ALKAL1: variants seen among roughly 807,000 people sequenced by gnomAD.
ALKAL1 encodes the protein ALK and LTK ligand 1, also known as AUG-beta.
ALKAL1 carries 23 observed loss-of-function variants against 13.5 expected under a neutral mutation model. The ratio of observed to expected loss-of-function variants is 1.70; its 90% CI spans 1.23 to 2.41. ALKAL1 has a LOEUF of 2.41. Among genes scored for constraint, ALKAL1 ranks in the 30% most tolerant of loss-of-function variants. The pLI is 0.00. For synonymous variants in ALKAL1, 85 were observed against 77.7 expected (o/e 1.09, Z -0.49); for missense variants, 181 against 178.4 (o/e 1.01, Z -0.08).
Position 52,557,221 on chromosome 8 carries a change from T to C in ALKAL1, c.190+7846A>G, listed in dbSNP as rs539841836. ...ACCATGGCTGATGCCCGGGTGGTGC[T>C]TGGAGAGAGTAAGAAGCCGCCTGCC... On this transcript the variant is annotated intron_variant, in intron 1 of 4. Transcript: ENST00000358543. Among the ~76,000 whole-genome samples, 45 of 152,356 alleles carry C rather than the reference T, an allele frequency of 3.0e-4. 1 individual carries two copies. Among genetic ancestry groups the C allele is most frequent in the African/African-American group, 9.6e-4 (40 of 41,590 alleles).
At chr8:52,552,861 C>T (rs946634365) in intron 1 of ALKAL1, among the ~76,000 whole-genome samples, 2 of 152,220 alleles carry the variant, frequency 1.3e-5, no homozygotes, top group Admixed American at 1.3e-4. Context: ...TTTCTCCAAT[C>T]AACCCTGGTT....
intron 4 of ALKAL1, among the ~76,000 whole-genome samples, chr8:52,535,550 C>CAAAAAAAAAAAAAAAAAAAAAAAGAAAAA (rs1847257906): frequency 1.5e-5 from 1 of 68,630 alleles, no homozygotes; most frequent in African/African-American, 5.8e-5. Flanking sequence ...GACCCTGTCT[C>CAAAAAAAAAAAAAAAAAAAAAAAGAAAAA]AAAAAAAAAA....
Position 52,534,098 on chromosome 8 carries a change from A to G in ALKAL1, c.*515T>C, listed in dbSNP as rs1371418981. The G allele has an allele frequency of 2.0e-5, 3 of 152,206 alleles. No individual in the cohort carries two copies. Among genetic ancestry groups the G allele is most frequent in the Non-Finnish European group, 2.9e-5 (2 of 68,036 alleles). The allele number at this position is 152,206 out of a possible 1,614,324, so 9.4% of individuals were successfully genotyped here. ...CATTTTTTCATATTTCAACTTTAAT[A>G]AAATTCACAGTTCAAATTAATGCAA... On this transcript the variant is annotated 3_prime_UTR_variant, in exon 5 of 5. Coordinates refer to ENST00000358543, the MANE Select transcript of ALKAL1 (RefSeq NM_207413.4).
At chr8:52,538,284 ATGTT>A in intron 4 of ALKAL1, 143 bp downstream of exon 4, 7 of 592,662 alleles carry the variant, frequency 1.2e-5, no homozygotes, top group Non-Finnish European at 2.1e-5. Context: ...AAAAGAATAA[ATGTT>A]TGAGGCATAC....
At chr8:52,556,175 T>C (rs1388665516) in intron 1 of ALKAL1, among the ~76,000 whole-genome samples, 1 of 152,246 alleles carries the variant, frequency 6.6e-6, no homozygotes, top group African/African-American at 2.4e-5. Context: ...GCAAGAGTTT[T>C]CCAGTATATT....
chr8:52,541,763 A>T (rs1000036630), intron 2 of ALKAL1, among the ~76,000 whole-genome samples: 21 of 152,154 alleles, frequency 1.4e-4, no homozygotes, highest in Admixed American at 5.2e-4. Context: ...TCTCAGAAAA[A>T]AATAATAATA....
rs567176027 is a variant in ALKAL1 at position 52,556,414 on chromosome 8, G to A, written c.190+8653C>T. 5.3e-3 allele frequency among the ~76,000 whole-genome samples: 803 copies of A among 152,068 alleles called. 6 individuals are homozygous for A. Among genetic ancestry groups the A allele is most frequent in the African/African-American group, 0.018 (741 of 41,502 alleles). ...TGTAATCCCAGCACTTTGGGAGGCCGAGACGGGCGGATCACGAGGTCAGGA... is the reference window on the plus strand; with the variant it reads ...TGTAATCCCAGCACTTTGGGAGGCCAAGACGGGCGGATCACGAGGTCAGGA... On this transcript the variant is annotated intron_variant, in intron 1 of 4. Transcript: ENST00000358543.
At chr8:52,547,821 C>CTAAAAT (rs1416289652) in intron 1 of ALKAL1, among the ~76,000 whole-genome samples, 3 of 152,162 alleles carry the variant, frequency 2.0e-5, no homozygotes, top group Admixed American at 2.0e-4. Context: ...GACCTCATTT[C>CTAAAAT]TAAAATTAAA....
chr8:52,564,689 T>A (rs911011900), intron 1 of ALKAL1, among the ~76,000 whole-genome samples: 1 of 152,146 alleles, frequency 6.6e-6, no homozygotes, highest in Admixed American at 6.5e-5. Context: ...CAATCTTAGT[T>A]AATTCTCAAA....
intron 1 of ALKAL1, among the ~76,000 whole-genome samples, chr8:52,552,306 C>A (rs1198940943): frequency 2.0e-5 from 3 of 152,082 alleles, no homozygotes; most frequent in Non-Finnish European, 4.4e-5. Flanking sequence ...GTGAAGGGTG[C>A]ACACTTTTAG....
At position 52,534,940 on chromosome 8, in the gene ALKAL1, A is replaced by C. The variant is rs372480142; in HGVS notation, c.*13-340T>G. On this transcript the variant is annotated intron_variant, in intron 4 of 4. Transcript: ENST00000358543. ...AACCTTATTAAATAAATAATTCAAA[A>C]CAGATACTATCACAGATAACTCCTA... 2.2e-4 allele frequency among the ~76,000 whole-genome samples: 33 copies of C among 152,356 alleles called. No homozygotes were observed. In the East Asian group the frequency reaches 6.0e-3, roughly 28 times the overall value.
chr8:52,546,472 T>A (rs1022677462), intron 1 of ALKAL1, among the ~76,000 whole-genome samples: 13 of 152,340 alleles, frequency 8.5e-5, no homozygotes, highest in East Asian at 7.7e-4. Flanking sequence ...AACTATTAGT[T>A]CTCATACTTT....
intron 1 of ALKAL1, among the ~76,000 whole-genome samples, chr8:52,544,025 G>A (rs1847340911): frequency 6.6e-6 from 1 of 151,988 alleles, no homozygotes. Flanking sequence ...TCACATTCTG[G>A]TTAGCATGAT....
At chr8:52,542,078 C>T (rs1240337029) in intron 2 of ALKAL1, among the ~76,000 whole-genome samples, 3 of 152,146 alleles carry the variant, frequency 2.0e-5, no homozygotes, top group Non-Finnish European at 4.4e-5. Context: ...AGAAGGTCTC[C>T]CTCACCACGG....
intron 1 of ALKAL1, among the ~76,000 whole-genome samples, chr8:52,553,168 C>T (rs896304440): frequency 6.6e-6 from 1 of 152,002 alleles, no homozygotes; most frequent in African/African-American, 2.4e-5. Flanking sequence ...CACAACATAG[C>T]GAGACTCTAT....
rs578228874 is a variant in ALKAL1, at chr8:52,562,862, GC to G, written c.190+2204del. On this transcript the variant is annotated intron_variant, in intron 1 of 4. Transcript: ENST00000358543. ...GAATGAACGATAACCCCTGCCACCT[GC>G]TGAGTGCACCCCGTGAGAACATCCA... Among the ~76,000 whole-genome samples, 739 of 152,280 alleles carry G rather than the reference GC, an allele frequency of 4.9e-3. 6 individuals carry two copies. Among genetic ancestry groups the G allele is most frequent in the African/African-American group, 0.016 (682 of 41,554 alleles).
chr8:52,564,913 A>AC (rs895561293), intron 1 of ALKAL1, among the ~76,000 whole-genome samples, 154 bp downstream of exon 1: 1 of 151,972 alleles, frequency 6.6e-6, no homozygotes, highest in African/African-American at 2.4e-5. Context: ...TTCGCTTACG[A>AC]CCTCTTTCCG....
intron 4 of ALKAL1, among the ~76,000 whole-genome samples, chr8:52,537,872 G>T (rs138840402): frequency 1.3e-5 from 2 of 152,028 alleles, no homozygotes; most frequent in African/African-American, 4.8e-5. Flanking sequence ...TGAGGTGGGC[G>T]GATCACTTGA....
In ALKAL1 at chr8:52,555,626, C is replaced by G. The variant is rs577603118; in HGVS notation, c.190+9441G>C. Among the ~76,000 whole-genome samples, 2 of 152,322 alleles carry G rather than the reference C, an allele frequency of 1.3e-5. 1 individual carries two copies. Among genetic ancestry groups the G allele is most frequent in the South Asian group, 4.1e-4 (2 of 4,824 alleles). On this transcript the variant is annotated intron_variant, in intron 1 of 4. Coordinates refer to ENST00000358543, the MANE Select transcript of ALKAL1 (RefSeq NM_207413.4). ...CTCTACTGGGCTTTCTGACTCTGGG[C>G]CAACATTCCTCTGCCCTAATTGCTC...
Sources: allele counts gnomAD v4.1 joint callset (sites outside exome capture counted in the v4.1 genomes callset), GRCh38; gene constraint gnomAD v4.1.1; transcripts MANE v1.5; gene names NCBI Gene and HGNC (gene_info 2026-07-23, HGNC 2026-07-21).